CTNNA3: variants seen among roughly 807,000 people sequenced by gnomAD.
The protein encoded by CTNNA3 is catenin alpha-3.
CTNNA3 carries 76 observed loss-of-function variants against 95.7 expected under a neutral mutation model. The ratio of observed to expected loss-of-function variants is 0.79; its 90% CI spans 0.66 to 0.96. CTNNA3 has a LOEUF of 0.96. CTNNA3 is among the 40% of genes least tolerant of loss of function. The probability of loss-of-function intolerance (pLI) is 0.00; values close to 1 mark genes in which losing one functional copy is unlikely to be tolerated. For missense variants in CTNNA3, 1,191 were observed against 1,089.8 expected, an observed-to-expected ratio of 1.09 and a Z score of -1.31; for synonymous variants, 431 against 374.4, an observed-to-expected ratio of 1.15 and a Z score of -1.74.
At chr10:66,294,562 G>A (rs2091743212) in intron 12 of CTNNA3, among the ~76,000 whole-genome samples, 1 of 152,196 alleles carries the variant, frequency 6.6e-6, no homozygotes. Context: ...GACAAGTTAG[G>A]AGGTTTTAGA....
At chr10:66,868,577 C>A (rs1246587867) in intron 7 of CTNNA3, among the ~76,000 whole-genome samples, 1 of 151,336 alleles carries the variant, frequency 6.6e-6, no homozygotes, top group African/African-American at 2.4e-5. Flanking sequence ...ATGGTGAAAC[C>A]CCATCTCTAC....
At chr10:67,556,720 G>A (rs10997712) in intron 3 of CTNNA3, among the ~76,000 whole-genome samples, 19,605 of 151,918 alleles carry the variant, frequency 0.13, 1,565 homozygotes, top group East Asian at 0.31. Flanking sequence ...TGGATTCATT[G>A]ATTTTTTGAA....
intron 9 of CTNNA3, among the ~76,000 whole-genome samples, chr10:66,687,166 A>T (rs1025939632): frequency 6.6e-6 from 1 of 152,182 alleles, no homozygotes; most frequent in East Asian, 1.9e-4. Flanking sequence ...AAAAGGGTAC[A>T]TTCATTTCCT....
intron 1 of CTNNA3, among the ~76,000 whole-genome samples, chr10:67,762,653 C>G (rs532758917): frequency 6.6e-6 from 1 of 152,006 alleles, no homozygotes; most frequent in East Asian, 1.9e-4. Context: ...AGGAGACCAC[C>G]CCTCATATTG....
In CTNNA3 at chr10:65,917,873, C is replaced by A. The variant is rs2077026349; in HGVS notation, c.*2457G>T. 1 of 152,102 alleles carries A rather than the reference C, an allele frequency of 6.6e-6. No homozygotes were observed. Among genetic ancestry groups the A allele is most frequent in the Non-Finnish European group, 1.5e-5 (1 of 68,026 alleles). 9.4% of individuals were successfully genotyped at this position (152,102 alleles called of 1,614,324 possible). On this transcript the variant is annotated 3_prime_UTR_variant, in exon 18 of 18. Coordinates refer to ENST00000433211, the MANE Select transcript of CTNNA3 (RefSeq NM_013266.4). ...TCTTGCATATAAGCATTTGTTTTAT[C>A]AGCAGGTTTGAATCAAACTAAATCT...
At chr10:67,214,319 T>G (rs905864649) in intron 6 of CTNNA3, among the ~76,000 whole-genome samples, 4 of 151,786 alleles carry the variant, frequency 2.6e-5, no homozygotes, top group African/African-American at 9.7e-5. Context: ...GTAGTTACTA[T>G]AGACATTTTA....
At chr10:66,408,436 G>A (rs1396875406) in intron 11 of CTNNA3, among the ~76,000 whole-genome samples, 1 of 152,024 alleles carries the variant, frequency 6.6e-6, no homozygotes, top group Non-Finnish European at 1.5e-5. Context: ...CATGACAGAA[G>A]GGGCACCTAA....
chr10:67,671,856 A>G (rs1447310894), intron 1 of CTNNA3, among the ~76,000 whole-genome samples: 8 of 151,956 alleles, frequency 5.3e-5, no homozygotes, highest in African/African-American at 9.7e-5. Flanking sequence ...ATGATTTATA[A>G]TCCTTTGGGT....
intron 7 of CTNNA3, among the ~76,000 whole-genome samples, chr10:66,932,246 T>C (rs943787408): frequency 3.3e-5 from 5 of 152,228 alleles, no homozygotes; most frequent in East Asian, 1.9e-4. Context: ...GTCAGATTCA[T>C]GGATTTGGCA....
intron 1 of CTNNA3, among the ~76,000 whole-genome samples, chr10:67,648,966 C>G (rs1242951849): frequency 1.3e-5 from 2 of 152,212 alleles, no homozygotes; most frequent in Non-Finnish European, 2.9e-5. Flanking sequence ...TTGATTCCTT[C>G]TAACACAGGG....
chr10:67,048,429 A>G (rs1338672006), intron 7 of CTNNA3, among the ~76,000 whole-genome samples: 1 of 152,144 alleles, frequency 6.6e-6, no homozygotes, highest in African/African-American at 2.4e-5. Context: ...CAGACCTAAC[A>G]TAAAGAATGA....
Position 66,280,539 on chromosome 10 carries a change from T to C in CTNNA3, c.1815A>G (p.Gln605=). The C allele has an allele frequency of 1.2e-6, 2 of 1,610,162 alleles. No homozygotes were observed. Among genetic ancestry groups the C allele is most frequent in the Non-Finnish European group, 1.7e-6 (2 of 1,177,832 alleles). ...KSSLNVLDDN[Q]FVDISKKIYD... is the part of the protein sequence containing the mutation. ...AGATCTTCTTTGAGATGTCCACAAA[T>C]TGATTATCATCCAACACATTCAATG... Residue 605 remains glutamine, a synonymous_variant, in exon 13 of 18, where the codon CAA becomes CAG. Coordinates refer to ENST00000433211, the MANE Select transcript of CTNNA3 (RefSeq NM_013266.4).
intron 10 of CTNNA3, among the ~76,000 whole-genome samples, chr10:66,521,537 C>T (rs1409181729): frequency 2.0e-5 from 3 of 151,970 alleles, no homozygotes; most frequent in East Asian, 1.9e-4. Flanking sequence ...GCCCTTGTTT[C>T]AGGAGAGAAA....
intron 11 of CTNNA3, among the ~76,000 whole-genome samples, chr10:66,450,384 T>C (rs562364601): frequency 6.6e-5 from 10 of 152,198 alleles, no homozygotes; most frequent in African/African-American, 1.9e-4. Context: ...AATATCAGTT[T>C]GTTGTTCTGT....
intron 12 of CTNNA3, among the ~76,000 whole-genome samples, chr10:66,283,210 C>G (rs1034536082): frequency 7.2e-5 from 11 of 151,740 alleles, no homozygotes; most frequent in Non-Finnish European, 1.5e-4. Context: ...GGCTTCTAGC[C>G]TCTGTGATAT....
intron 7 of CTNNA3, among the ~76,000 whole-genome samples, chr10:66,924,555 T>G (rs1007858905): frequency 8.5e-5 from 13 of 152,202 alleles, no homozygotes; most frequent in African/African-American, 3.1e-4. Flanking sequence ...ATAAAGGAAG[T>G]TATCTCATCA....
chr10:66,285,831 A>G (rs1381049596), intron 12 of CTNNA3, among the ~76,000 whole-genome samples: 3 of 151,926 alleles, frequency 2.0e-5, no homozygotes, highest in Non-Finnish European at 4.4e-5. Context: ...GCATATGAAT[A>G]AGAAGTTCGT....
chr10:67,395,657 A>C (rs917389726), intron 5 of CTNNA3, among the ~76,000 whole-genome samples: 5 of 152,232 alleles, frequency 3.3e-5, no homozygotes, highest in Non-Finnish European at 7.3e-5. Flanking sequence ...TAACAGAAGC[A>C]TAATGGAACA....
At chr10:67,351,606 T>C (rs1394561190) in intron 5 of CTNNA3, among the ~76,000 whole-genome samples, 1 of 152,034 alleles carries the variant, frequency 6.6e-6, no homozygotes, top group Non-Finnish European at 1.5e-5. Context: ...CACCTCTGAA[T>C]AGCTGTAAAA....
Sources: allele counts gnomAD v4.1 joint callset (sites outside exome capture counted in the v4.1 genomes callset), GRCh38; gene constraint gnomAD v4.1.1; transcripts MANE v1.5; gene names NCBI Gene and HGNC (gene_info 2026-07-23, HGNC 2026-07-21).